Variants in CAMK2D observed in about 807,000 individuals in gnomAD.
The protein encoded by CAMK2D is calcium/calmodulin-dependent protein kinase type II subunit delta.
A neutral mutation model predicts 84.0 loss-of-function variants in CAMK2D; 37 were observed. That is an observed-to-expected ratio of 0.44 (90% confidence interval 0.34 to 0.58). CAMK2D has a LOEUF of 0.58. CAMK2D is among the 20% of genes least tolerant of loss of function. CAMK2D has a pLI of 0.02. For synonymous variants in CAMK2D, 202 were observed against 212.5 expected (o/e 0.95, Z 0.43); for missense variants, 448 against 652.5 (o/e 0.69, Z 3.41).
intron 3 of CAMK2D, among the ~76,000 whole-genome samples, chr4:113,656,587 T>G (rs1347645075): frequency 6.6e-6 from 1 of 152,084 alleles, no homozygotes; most frequent in Non-Finnish European, 1.5e-5. Flanking sequence ...AAACCCAAAC[T>G]CCCAAATCTG....
intron 16 of CAMK2D, among the ~76,000 whole-genome samples, chr4:113,472,494 C>T (rs12507550): frequency 0.13 from 20,136 of 152,144 alleles, 1,723 homozygotes; most frequent in East Asian, 0.37. Flanking sequence ...TCAATGTTTA[C>T]ATTTAATATT....
chr4:113,667,058 A>G (rs2099260345), intron 2 of CAMK2D, among the ~76,000 whole-genome samples: 1 of 152,234 alleles, frequency 6.6e-6, no homozygotes, highest in Admixed American at 6.5e-5. Flanking sequence ...GCCTCGAGTA[A>G]GAGACATTCT....
intron 2 of CAMK2D, among the ~76,000 whole-genome samples, chr4:113,735,302 A>G (rs1230417952): frequency 3.0e-5 from 3 of 100,860 alleles, no homozygotes; most frequent in Admixed American, 9.0e-5. Flanking sequence ...AAAAAAAAAA[A>G]AAAAAAAAAA....
chr4:113,609,054 A>C, intron 4 of CAMK2D, 98 bp downstream of exon 4: 1 of 643,876 alleles, frequency 1.6e-6, no homozygotes. Context: ...AAAATATTGT[A>C]GCAGTCAGTA....
intron 4 of CAMK2D, among the ~76,000 whole-genome samples, chr4:113,583,526 T>C (rs2098820157): frequency 6.6e-6 from 1 of 152,206 alleles, no homozygotes. Context: ...TCACATGCTA[T>C]GAAACTCAAC....
intron 16 of CAMK2D, among the ~76,000 whole-genome samples, chr4:113,475,941 A>G (rs1190829815): frequency 6.6e-6 from 1 of 152,224 alleles, no homozygotes; most frequent in Non-Finnish European, 1.5e-5. Flanking sequence ...TTTACAAAAC[A>G]TATGGGAAAA....
chr4:113,594,589 T>C (rs2098915103), intron 4 of CAMK2D, among the ~76,000 whole-genome samples: 2 of 152,092 alleles, frequency 1.3e-5, no homozygotes, highest in African/African-American at 2.4e-5. Context: ...AAGAATCCAA[T>C]AGAAATGCTA....
At chr4:113,483,732 A>C (rs748447689) in intron 16 of CAMK2D, among the ~76,000 whole-genome samples, 3 of 151,938 alleles carry the variant, frequency 2.0e-5, no homozygotes, top group African/African-American at 7.3e-5. Context: ...TGCACATATT[A>C]TTTCTTGTTT....
intron 16 of CAMK2D, among the ~76,000 whole-genome samples, chr4:113,494,398 C>A (rs565027103): frequency 9.9e-5 from 15 of 151,918 alleles, no homozygotes; most frequent in South Asian, 4.2e-4. Context: ...AGTACCCTGC[C>A]GTGTGAGGTG....
intron 16 of CAMK2D, among the ~76,000 whole-genome samples, chr4:113,482,258 G>A (rs1366432784): frequency 6.6e-6 from 1 of 152,154 alleles, no homozygotes; most frequent in African/African-American, 2.4e-5. Context: ...CAATGGAGTT[G>A]GTGAGCAGCA....
chr4:113,670,374 T>C (rs1426924332), intron 2 of CAMK2D, among the ~76,000 whole-genome samples: 4 of 152,174 alleles, frequency 2.6e-5, no homozygotes, highest in Non-Finnish European at 4.4e-5. Context: ...CAAGCCCTTA[T>C]ATAAACCACA....
At chr4:113,734,737 T>C (rs2099576970) in intron 2 of CAMK2D, among the ~76,000 whole-genome samples, 1 of 152,148 alleles carries the variant, frequency 6.6e-6, no homozygotes, top group Non-Finnish European at 1.5e-5. Context: ...TGGGAAAACA[T>C]TTTACTGTGT....
At chr4:113,495,210 G>A (rs1312527255) in intron 16 of CAMK2D, among the ~76,000 whole-genome samples, 5 of 152,090 alleles carry the variant, frequency 3.3e-5, no homozygotes, top group Non-Finnish European at 7.3e-5. Flanking sequence ...TCAAATTTTG[G>A]ATTAGAAACC....
intron 2 of CAMK2D, among the ~76,000 whole-genome samples, chr4:113,670,957 T>C (rs1417773695): frequency 1.3e-5 from 2 of 152,068 alleles, no homozygotes; most frequent in African/African-American, 4.8e-5. Flanking sequence ...CAATCCACCC[T>C]TAACCATCTT....
At chr4:113,548,097 C>T (rs1454719950) in intron 5 of CAMK2D, among the ~76,000 whole-genome samples, 1 of 152,132 alleles carries the variant, frequency 6.6e-6, no homozygotes, top group African/African-American at 2.4e-5. Context: ...CCCATTTTTC[C>T]AGTATTGTTC....
intron 8 of CAMK2D, among the ~76,000 whole-genome samples, chr4:113,526,174 T>C (rs1424985962): frequency 6.6e-6 from 1 of 152,206 alleles, no homozygotes; most frequent in Admixed American, 6.5e-5. Flanking sequence ...TAAGACATTT[T>C]CATAGCTGTG....
intron 2 of CAMK2D, among the ~76,000 whole-genome samples, chr4:113,708,002 C>T (rs976636923): frequency 2.0e-5 from 3 of 152,096 alleles, no homozygotes; most frequent in African/African-American, 7.2e-5. Flanking sequence ...AATGAAGATA[C>T]AACACCATGA....
intron 3 of CAMK2D, among the ~76,000 whole-genome samples, chr4:113,627,376 G>A (rs1211606043): frequency 2.0e-5 from 3 of 152,052 alleles, no homozygotes; most frequent in Non-Finnish European, 2.9e-5. Context: ...AACATTGAAT[G>A]AGCAATATAC....
At chr4:113,533,524 G>T (rs1376025386) in intron 7 of CAMK2D, among the ~76,000 whole-genome samples, 1 of 151,942 alleles carries the variant, frequency 6.6e-6, no homozygotes, top group African/African-American at 2.4e-5. Context: ...AACACAAAGA[G>T]AAAAGAGAAT....
Sources: allele counts gnomAD v4.1 joint callset (sites outside exome capture counted in the v4.1 genomes callset), GRCh38; gene constraint gnomAD v4.1.1; transcripts MANE v1.5; gene names NCBI Gene and HGNC (gene_info 2026-07-23, HGNC 2026-07-21).